The following ADAMTS9 variants were observed in gnomAD, a reference collection of about 807,000 sequenced individuals.
ADAMTS9 encodes the protein A disintegrin and metalloproteinase with thrombospondin motifs 9.
Under a neutral mutation model 257.1 loss-of-function variants are expected in ADAMTS9, and 107 were observed. The observed-to-expected ratio is 0.42, with a 90% CI of 0.36 to 0.49. The LOEUF is 0.49. Among genes scored for constraint, ADAMTS9 ranks in the 20% least tolerant of loss-of-function variants. The probability of loss-of-function intolerance (pLI) is 0.03; values close to 1 mark genes in which losing one functional copy is unlikely to be tolerated. For synonymous variants in ADAMTS9, 982 were observed against 880.9 expected (o/e 1.11, Z -2.03); for missense variants, 2,353 against 2,469.1 (o/e 0.95, Z 1.00).
At chr3:64,584,743 T>C (rs1211176191) in intron 28 of ADAMTS9, among the ~76,000 whole-genome samples, 3 of 152,096 alleles carry the variant, frequency 2.0e-5, no homozygotes. Context: ...TTTCACCACA[T>C]TTGCTCCCCC....
intron 31 of ADAMTS9, among the ~76,000 whole-genome samples, chr3:64,548,767 A>C (rs2083234049): frequency 6.6e-6 from 1 of 152,176 alleles, no homozygotes; most frequent in African/African-American, 2.4e-5. Flanking sequence ...GTTTCCTCAA[A>C]CCATTTCAGA....
chr3:64,598,772 C>T (rs770459875), intron 26 of ADAMTS9, among the ~76,000 whole-genome samples: 1 of 152,238 alleles, frequency 6.6e-6, no homozygotes, highest in Non-Finnish European at 1.5e-5. Flanking sequence ...TCTTGGTCCT[C>T]GAGTTTTCTC....
chr3:64,624,748 T>C (rs1199850027), intron 16 of ADAMTS9, among the ~76,000 whole-genome samples: 1 of 152,256 alleles, frequency 6.6e-6, no homozygotes, highest in Non-Finnish European at 1.5e-5. Context: ...CTTGGCATGA[T>C]TAAAATGAAG....
intron 27 of ADAMTS9, among the ~76,000 whole-genome samples, chr3:64,596,254 C>A (rs2084362134): frequency 6.6e-6 from 1 of 152,210 alleles, no homozygotes. Flanking sequence ...ACACGGTTTT[C>A]TCAGCTTCCA....
At chr3:64,652,129 CATG>C (rs772822273) in intron 8 of ADAMTS9, among the ~76,000 whole-genome samples, 2 of 152,200 alleles carry the variant, frequency 1.3e-5, no homozygotes, top group Non-Finnish European at 2.9e-5. Context: ...ATCCCCAATG[CATG>C]TAATTAATTT....
rs770294758 is a variant in ADAMTS9 at position 64,633,461 on chromosome 3, C to T, written c.2175+11G>A. 6.2e-7 allele frequency: 1 copy of T among 1,613,776 alleles called. No individual in the cohort carries two copies. The highest frequency in any genetic ancestry group is 8.5e-7 in the Non-Finnish European group (1 of 1,179,864). On this transcript the variant is annotated intron_variant, in intron 14 of 39. Coordinates refer to ENST00000498707, the MANE Select transcript of ADAMTS9 (RefSeq NM_182920.2). ...GAAAACACAGTGAAGAAAACACCAT[C>T]AAGGACTTACCCGGCAAAGGCCCTG...
At position 64,647,928 on chromosome 3, in the gene ADAMTS9, G is replaced by T. The variant is rs1700837162; in HGVS notation, c.1710+12C>A. The stretch of plus-strand genomic sequence containing the variant: ...GCCCTAAGACAGAAGGACAGAACAG[G>T]GCATTACTTGCCTTTCCAGGCTCGC... On this transcript the variant is annotated intron_variant, in intron 11 of 39. Coordinates refer to ENST00000498707, the MANE Select transcript of ADAMTS9 (RefSeq NM_182920.2). The T allele has an allele frequency of 6.2e-7, 1 of 1,611,898 alleles. No homozygotes were observed.
chr3:64,636,731 C>T (rs1311577105), intron 12 of ADAMTS9, among the ~76,000 whole-genome samples: 1 of 152,194 alleles, frequency 6.6e-6, no homozygotes, highest in African/African-American at 2.4e-5. Flanking sequence ...ATTCAAATTT[C>T]AGTGTCCATA....
At chr3:64,673,067 C>T (rs1701531715) in intron 3 of ADAMTS9, among the ~76,000 whole-genome samples, 1 of 152,094 alleles carries the variant, frequency 6.6e-6, no homozygotes, top group Non-Finnish European at 1.5e-5. Flanking sequence ...AGGCTATGTA[C>T]CACGTAGCCT....
intron 30 of ADAMTS9, among the ~76,000 whole-genome samples, chr3:64,555,690 C>A (rs1310891196): frequency 1.3e-5 from 2 of 152,074 alleles, no homozygotes; most frequent in Admixed American, 1.3e-4. Flanking sequence ...CAAAGGTGGG[C>A]CCAGGTAGCA....
chr3:64,582,300 T>C (rs771991692), intron 28 of ADAMTS9, among the ~76,000 whole-genome samples: 1 of 152,206 alleles, frequency 6.6e-6, no homozygotes, highest in Non-Finnish European at 1.5e-5. Context: ...GGTGATCCCC[T>C]ATGTATAGTT....
chr3:64,622,592 G>T lies in ADAMTS9; in HGVS notation c.2390-6C>A. Reference sequence around the variant, plus strand: ...ACCTTTACTGCTTGATAAAGCTGTAGGTGAAGAAACAGAATAATACATTGA... The same window carrying T: ...ACCTTTACTGCTTGATAAAGCTGTATGTGAAGAAACAGAATAATACATTGA... On this transcript the variant is annotated splice_polypyrimidine_tract_variant and splice_region_variant and intron_variant, in intron 16 of 39. Transcript: ENST00000498707. 1 of 1,613,520 alleles carries T rather than the reference G, an allele frequency of 6.2e-7. No homozygotes were observed. The highest frequency in any genetic ancestry group is 8.5e-7 in the Non-Finnish European group (1 of 1,179,756).
chr3:64,601,888 A>G, intron 26 of ADAMTS9, 56 bp downstream of exon 26: 1 of 1,531,354 alleles, frequency 6.5e-7, no homozygotes, highest in Non-Finnish European at 8.8e-7. Flanking sequence ...AGTCTCTTTT[A>G]CCCTAAACCC....
At chr3:64,598,922 A>AT (rs749533451) in intron 26 of ADAMTS9, among the ~76,000 whole-genome samples, 1 of 152,032 alleles carries the variant, frequency 6.6e-6, no homozygotes, top group Non-Finnish European at 1.5e-5. Flanking sequence ...TGGTCACAGG[A>AT]TTTGCTACCT....
chr3:64,596,981 G>T lies in ADAMTS9; in HGVS notation c.4028C>A (p.Thr1343Asn), dbSNP rs1160331317. 1 of 1,613,788 alleles carries T rather than the reference G, an allele frequency of 6.2e-7. No homozygotes were observed. The highest frequency in any genetic ancestry group is 8.5e-7 in the Non-Finnish European group (1 of 1,179,896). Residue 1343 changes from threonine to asparagine, a missense_variant, in exon 27 of 40, where the codon ACC becomes AAC. This residue lies in a region of ADAMTS9 where 1,402 missense variants were observed against 1,441.4 expected (regional missense o/e 0.97). Transcript: ENST00000498707. ...RTGPWGACSSTCAGGSQRRVV... is the reference protein window; with the variant it reads ...RTGPWGACSSNCAGGSQRRVV... ...ACGCCGCTGGGATCCGCCAGCACAG[G>T]TACTGGAACACTAAACACATCAGTC...
At chr3:64,537,570 G>T (rs963011098) in intron 37 of ADAMTS9, among the ~76,000 whole-genome samples, 11 of 151,264 alleles carry the variant, frequency 7.3e-5, no homozygotes, top group African/African-American at 2.7e-4. Flanking sequence ...CTCTTCTAAA[G>T]CTTGAGGCCG....
At position 64,621,203 on chromosome 3, in the gene ADAMTS9, A is replaced by T. The variant is rs1700094960; in HGVS notation, c.2724T>A (p.Ser908=). ...TTTGATCAGAAACAGTAAGCTGATCAGATTCCCTGGTGCAAACAAGTTTTC... is the reference window on the plus strand; with the variant it reads ...TTTGATCAGAAACAGTAAGCTGATCTGATTCCCTGGTGCAAACAAGTTTTC... ...RKRKLVCTRE[S]DQLTVSDQRC... The change falls in exon 19 of 40, where the codon TCT becomes TCA. Residue 908 remains serine (S), a synonymous_variant. Coordinates refer to ENST00000498707, the MANE Select transcript of ADAMTS9 (RefSeq NM_182920.2). The T allele has an allele frequency of 6.2e-7, 1 of 1,613,914 alleles. No homozygotes were observed. Among genetic ancestry groups the T allele is most frequent in the Non-Finnish European group, 8.5e-7 (1 of 1,179,912 alleles).
At chr3:64,598,488 T>G (rs1439183522) in intron 26 of ADAMTS9, among the ~76,000 whole-genome samples, 1 of 151,776 alleles carries the variant, frequency 6.6e-6, no homozygotes, top group Non-Finnish European at 1.5e-5. Context: ...TGGGTAAATT[T>G]TTAAAATTTT....
intron 28 of ADAMTS9, 135 bp from the exon 29 acceptor site, chr3:64,568,670 A>C: frequency 9.6e-7 from 1 of 1,037,512 alleles, no homozygotes; most frequent in Non-Finnish European, 1.4e-6. Context: ...GCCAGTTTGG[A>C]TAATATCTCA....
Sources: gnomAD v4.1 joint callset for allele counts (sites outside exome capture counted in the v4.1 genomes callset) on GRCh38, gnomAD v4.1.1 for gene constraint, gnomAD v4.1.1 regional missense constraint, MANE v1.5 for transcripts, NCBI Gene and HGNC (gene_info 2026-07-23, HGNC 2026-07-21) for gene names.